ARHGAP10: variants seen among roughly 807,000 people sequenced by gnomAD.
ARHGAP10 encodes the protein rho GTPase-activating protein 10.
Under a neutral mutation model 108.6 loss-of-function variants are expected in ARHGAP10, and 87 were observed. The ratio of observed to expected loss-of-function variants is 0.80; its 90% CI spans 0.67 to 0.96. ARHGAP10 has a LOEUF of 0.96. Among genes scored for constraint, ARHGAP10 ranks in the 40% least tolerant of loss-of-function variants. ARHGAP10 has a pLI of 0.00. For synonymous variants in ARHGAP10, 347 were observed against 341.1 expected (o/e 1.02, Z -0.19); for missense variants, 939 against 954.5 (o/e 0.98, Z 0.21).
At chr4:147,743,650 G>A (rs1240020541) in intron 1 of ARHGAP10, among the ~76,000 whole-genome samples, 2 of 152,186 alleles carry the variant, frequency 1.3e-5, no homozygotes, top group Non-Finnish European at 2.9e-5. Flanking sequence ...GGTGGTGCAT[G>A]CCTGTAATCC....
At chr4:147,906,546 TA>T (rs35780665) in intron 10 of ARHGAP10, 91 bp from the exon 11 acceptor site, 577 of 861,832 alleles carry the variant, frequency 6.7e-4, no homozygotes, top group East Asian at 5.4e-3. Context: ...CAGATAAAAG[TA>T]AAAAAAAAAT....
intron 15 of ARHGAP10, among the ~76,000 whole-genome samples, chr4:147,951,248 A>G (rs1738587654): frequency 6.6e-6 from 1 of 151,254 alleles, no homozygotes; most frequent in African/African-American, 2.4e-5. Context: ...CCTCGACCCC[A>G]CTTTTCTTTT....
chr4:147,782,280 G>T (rs75862873), intron 1 of ARHGAP10, among the ~76,000 whole-genome samples: 1 of 152,140 alleles, frequency 6.6e-6, no homozygotes, highest in South Asian at 2.1e-4. Context: ...GTTGAACTAC[G>T]TTGAGTTTTC....
chr4:147,834,379 G>A (rs1733078740), intron 3 of ARHGAP10, among the ~76,000 whole-genome samples: 1 of 152,154 alleles, frequency 6.6e-6, no homozygotes. Context: ...TGAGGTGCGA[G>A]GATTGCTTGA....
chr4:147,866,866 TC>T, intron 7 of ARHGAP10, 50 bp downstream of exon 7: 1 of 1,454,218 alleles, frequency 6.9e-7, no homozygotes, highest in East Asian at 2.3e-5. Flanking sequence ...AAAGTATTTT[TC>T]ATTTGTGTGT....
At chr4:148,071,860 A>G in intron 22 of ARHGAP10, 133 bp from the exon 23 acceptor site, 1 of 679,462 alleles carries the variant, frequency 1.5e-6, no homozygotes, top group Non-Finnish European at 2.5e-6. Flanking sequence ...CCTGGTGCAG[A>G]CTTTGTGACC....
chr4:148,069,685 A>G (rs1211671826), intron 22 of ARHGAP10, among the ~76,000 whole-genome samples: 1 of 152,210 alleles, frequency 6.6e-6, no homozygotes, highest in Non-Finnish European at 1.5e-5. Flanking sequence ...AGGTCCTGCA[A>G]GCTAAGTGCT....
At chr4:148,055,619 C>T (rs1253636501) in intron 20 of ARHGAP10, among the ~76,000 whole-genome samples, 3 of 152,130 alleles carry the variant, frequency 2.0e-5, no homozygotes, top group Non-Finnish European at 2.9e-5. Flanking sequence ...ACCTGGAAGG[C>T]GGAGGTTGCA....
At chr4:147,957,491 T>C (rs1200054037) in intron 16 of ARHGAP10, among the ~76,000 whole-genome samples, 1 of 152,188 alleles carries the variant, frequency 6.6e-6, no homozygotes, top group Non-Finnish European at 1.5e-5. Flanking sequence ...GGTTAAGCTG[T>C]CATTTTCCGT....
At chr4:148,043,790 A>G (rs13152535) in intron 19 of ARHGAP10, among the ~76,000 whole-genome samples, 9,167 of 146,032 alleles carry the variant, frequency 0.063, 446 homozygotes, top group South Asian at 0.26. Context: ...ATATATATGT[A>G]TATATATATG....
intron 10 of ARHGAP10, among the ~76,000 whole-genome samples, 162 bp downstream of exon 10, chr4:147,882,094 C>A (rs1735352077): frequency 6.6e-6 from 1 of 152,092 alleles, no homozygotes; most frequent in South Asian, 2.1e-4. Flanking sequence ...GTCTTGATCA[C>A]CGGGTTTAGC....
intron 10 of ARHGAP10, among the ~76,000 whole-genome samples, chr4:147,904,755 G>T (rs1736399087): frequency 6.6e-6 from 1 of 152,192 alleles, no homozygotes; most frequent in African/African-American, 2.4e-5. Context: ...CCAGTAATGG[G>T]ATTGCTGGGT....
chr4:147,994,289 G>A (rs1740388745), intron 18 of ARHGAP10, among the ~76,000 whole-genome samples: 1 of 152,204 alleles, frequency 6.6e-6, no homozygotes, highest in South Asian at 2.1e-4. Context: ...GGAAATCCCT[G>A]TATTTGATTT....
At chr4:147,784,264 A>C (rs111216524) in intron 1 of ARHGAP10, among the ~76,000 whole-genome samples, 1 of 116,572 alleles carries the variant, frequency 8.6e-6, no homozygotes, top group Non-Finnish European at 1.6e-5. Context: ...ATTGTGTATT[A>C]TATAATTTAC....
intron 1 of ARHGAP10, among the ~76,000 whole-genome samples, chr4:147,738,809 C>A (rs896140009): frequency 6.6e-6 from 1 of 152,090 alleles, no homozygotes; most frequent in African/African-American, 2.4e-5. Context: ...TTACCAGTGA[C>A]CAAGAAGAGA....
intron 18 of ARHGAP10, among the ~76,000 whole-genome samples, chr4:147,976,335 A>C (rs1739593277): frequency 6.6e-6 from 1 of 152,216 alleles, no homozygotes; most frequent in Admixed American, 6.5e-5. Flanking sequence ...TAAATGTCTT[A>C]AACAACAACA....
At chr4:147,954,110 C>A (rs975916783) in intron 15 of ARHGAP10, among the ~76,000 whole-genome samples, 1 of 151,912 alleles carries the variant, frequency 6.6e-6, no homozygotes, top group Non-Finnish European at 1.5e-5. Flanking sequence ...GTATCATGGC[C>A]CAGAATATGG....
At chr4:147,922,530 C>A (rs1053708861) in intron 13 of ARHGAP10, among the ~76,000 whole-genome samples, 5 of 150,744 alleles carry the variant, frequency 3.3e-5, no homozygotes, top group Admixed American at 6.6e-5. Flanking sequence ...TCTACTAAAA[C>A]TACAAAAAAT....
intron 1 of ARHGAP10, among the ~76,000 whole-genome samples, chr4:147,740,714 T>C (rs1008599925): frequency 2.5e-4 from 38 of 152,230 alleles, no homozygotes; most frequent in African/African-American, 8.9e-4. Context: ...CCATTCCTTG[T>C]CCTACCCTTC....
Sources: gnomAD v4.1 joint callset for allele counts (sites outside exome capture counted in the v4.1 genomes callset) on GRCh38, gnomAD v4.1.1 for gene constraint, MANE v1.5 for transcripts, NCBI Gene and HGNC (gene_info 2026-07-23, HGNC 2026-07-21) for gene names.